The following COQ8A variants were observed in gnomAD, a reference collection of about 807,000 sequenced individuals.
COQ8A encodes atypical kinase COQ8A, mitochondrial.
COQ8A carries 51 observed loss-of-function variants against 65.0 expected under a neutral mutation model. The observed-to-expected ratio is 0.78, with a 90% confidence interval of 0.63 to 0.99. The LOEUF (loss-of-function observed/expected upper bound fraction) is 0.99, where lower values mean the gene tolerates loss of function less well. Among genes scored for constraint, COQ8A ranks in the 50% least tolerant of loss-of-function variants. The probability of loss-of-function intolerance (pLI) is 0.00; values close to 1 mark genes in which losing one functional copy is unlikely to be tolerated. For synonymous variants in COQ8A, 371 were observed against 353.2 expected (o/e 1.05, Z -0.57); for missense variants, 940 against 875.0 (o/e 1.07, Z -0.94).
chr1:226,985,370 C>T (rs780798558), intron 14 of COQ8A, 30 bp downstream of exon 14: 11 of 1,605,046 alleles, frequency 6.9e-6, no homozygotes, highest in Non-Finnish European at 7.7e-6. Flanking sequence ...ATCCCCTGGG[C>T]CTGCTGACCC....
rs1211212681 is a variant in COQ8A, at chr1:226,972,866, T to C, written c.656-4583T>C. ...AAAGGACATTTTAACAGTGCAAAAGTATAAAGTACGTGCTTTAAGACAGAG... is the reference window on the plus strand; with the variant it reads ...AAAGGACATTTTAACAGTGCAAAAGCATAAAGTACGTGCTTTAAGACAGAG... On this transcript the variant is annotated intron_variant, in intron 4 of 14. Transcript: ENST00000366777. The surrounding 1 kb of genome is among the most constrained non-coding windows in gnomAD (Gnocchi z 4.3). 6.6e-6 allele frequency among the ~76,000 whole-genome samples: 1 copy of C among 152,210 alleles called. No individual in the cohort carries two copies. The highest frequency in any genetic ancestry group is 1.5e-5 in the Non-Finnish European group (1 of 68,034).
intron 5 of COQ8A, among the ~76,000 whole-genome samples, chr1:226,978,327 C>G (rs1188751723): frequency 1.2e-4 from 18 of 145,324 alleles, no homozygotes; most frequent in African/African-American, 4.6e-4. Flanking sequence ...ACCTGCACAC[C>G]TCTTTATCCT....
chr1:226,960,035 AGTGGTACTTGGTGGTG>A (rs1290762572), intron 1 of COQ8A, among the ~76,000 whole-genome samples: 1 of 122,218 alleles, frequency 8.2e-6, no homozygotes, highest in Non-Finnish European at 1.8e-5. Context: ...TGGTGGTGGT[AGTGGTACTTGGTGGTG>A]GTGGTACTTG....
chr1:226,965,611 C>T lies in COQ8A; in HGVS notation c.589-60C>T. On this transcript the variant is annotated intron_variant, in intron 3 of 14. Transcript: ENST00000366777. ...GGAGATGTGGGGGCAACAGGAGCCT[C>T]TGAAGGTTGGTCCTGTCCCCTTGGC... The T allele has an allele frequency of 1.9e-6, 3 of 1,592,262 alleles. 1 individual carries two copies. In the South Asian group the frequency reaches 3.3e-5, roughly 18 times the overall value.
intron 5 of COQ8A, among the ~76,000 whole-genome samples, chr1:226,979,674 C>A (rs1329050919): frequency 6.6e-6 from 1 of 152,182 alleles, no homozygotes; most frequent in Non-Finnish European, 1.5e-5. Flanking sequence ...CCTGCCAGTC[C>A]CCGGACAGCC....
chr1:226,945,674 T>C (rs1286918826), intron 1 of COQ8A, among the ~76,000 whole-genome samples: 1 of 152,222 alleles, frequency 6.6e-6, no homozygotes, highest in Admixed American at 6.5e-5. Context: ...CTGTTGTAGC[T>C]GCTGTTTACA....
chr1:226,983,244 G>T (rs1659829184), intron 8 of COQ8A: 12 of 835,140 alleles, frequency 1.4e-5, no homozygotes, highest in Non-Finnish European at 2.2e-5. Flanking sequence ...GGCACAGAGG[G>T]GCCCCCAGCA....
rs1659989799 is a variant in COQ8A, at chr1:226,984,945, A to G, written c.1572+4A>G. On this transcript the variant is annotated splice_donor_region_variant and intron_variant, in intron 13 of 14. Transcript: ENST00000366777. ...CTTCACCGACCTCTACATTCAGGTA[A>G]CTGGAGAGGGGCCCTGGCCTTGGTC... 6.2e-7 allele frequency: 1 copy of G among 1,614,016 alleles called. No homozygotes were observed. The highest frequency in any genetic ancestry group is 8.5e-7 in the Non-Finnish European group (1 of 1,180,020).
At chr1:226,985,127 T>C in intron 13 of COQ8A, 127 bp from the exon 14 acceptor site, 1 of 1,216,074 alleles carries the variant, frequency 8.2e-7, no homozygotes, top group Non-Finnish European at 1.2e-6. Flanking sequence ...GTCACAGCAC[T>C]GGCCGGGGGC....
rs774626751 is a variant in COQ8A, at chr1:226,983,546, C to T, written c.1081-6C>T. 14 of 1,613,558 alleles carry T rather than the reference C, an allele frequency of 8.7e-6. No homozygotes were observed. In the Admixed American group the frequency reaches 1.0e-4, roughly 12 times the overall value. ...TAACTCCCCTGCCTCACCCATACCC[C>T]CACAGTACCCTGGCGTGGCCCAGAG... On this transcript the variant is annotated splice_region_variant and splice_polypyrimidine_tract_variant and intron_variant, in intron 8 of 14. Coordinates refer to ENST00000366777, the MANE Select transcript of COQ8A (RefSeq NM_020247.5).
chr1:226,951,439 C>T (rs1272742628), intron 1 of COQ8A, among the ~76,000 whole-genome samples: 1 of 152,168 alleles, frequency 6.6e-6, no homozygotes, highest in African/African-American at 2.4e-5. Flanking sequence ...CCTTCATGAG[C>T]AGTACTTAGG....
intron 1 of COQ8A, among the ~76,000 whole-genome samples, chr1:226,944,288 A>G (rs1443285712): frequency 6.6e-6 from 1 of 151,744 alleles, no homozygotes; most frequent in African/African-American, 2.4e-5. Flanking sequence ...TGGCAAGTGC[A>G]CTCCATCCTT....
intron 5 of COQ8A, 115 bp from the exon 6 acceptor site, chr1:226,981,912 A>G (rs1008324456): frequency 2.0e-6 from 3 of 1,507,268 alleles, no homozygotes; most frequent in Non-Finnish European, 2.8e-6. Flanking sequence ...TGCTGGTTTT[A>G]TGGACGCCTG....
intron 4 of COQ8A, among the ~76,000 whole-genome samples, chr1:226,971,856 G>A (rs1658927403): frequency 6.6e-6 from 1 of 152,010 alleles, no homozygotes; most frequent in Admixed American, 6.6e-5. Context: ...ATTCTGCTTG[G>A]GGTTTACAGA....
chr1:226,984,487 G>A, intron 11 of COQ8A, 61 bp from the exon 12 acceptor site: 1 of 1,469,854 alleles, frequency 6.8e-7, no homozygotes, highest in Non-Finnish European at 9.5e-7. Context: ...TCTGGCCCCA[G>A]TCTCCCAGGG....
chr1:226,959,284 C>T (rs1403047064), intron 1 of COQ8A, among the ~76,000 whole-genome samples: 2 of 152,058 alleles, frequency 1.3e-5, no homozygotes, highest in African/African-American at 4.8e-5. Flanking sequence ...TGGTGCAGGC[C>T]TGTAATTCCA....
Position 226,983,824 on chromosome 1 carries a change from A to G in COQ8A, c.1226A>G (p.Gln409Arg). 1 of 1,611,834 alleles carries G rather than the reference A, an allele frequency of 6.2e-7. No homozygotes were observed. Among genetic ancestry groups the G allele is most frequent in the Non-Finnish European group, 8.5e-7 (1 of 1,179,966 alleles). ...GAGCTGGCCCTGGAGTGTGACTACC[A>G]GCGAGAGGCCGCCTGTGCCCGCAAG... Reference protein sequence around the residue: ...RRELALECDYQREAACARKFR... With the variant: ...RRELALECDYRREAACARKFR... Residue 409 changes from glutamine (Q) to arginine (R), a missense_variant, in exon 10 of 15, where the codon CAG (glutamine) becomes CGG (arginine). Transcript: ENST00000366777.
In COQ8A at chr1:226,982,683, G is replaced by C. The variant is rs770521319; in HGVS notation, c.859G>C (p.Ala287Pro). ...GTCATTCTCCTGCCTTCCAGATGAT[G>C]CCTTTATCAACCCCCACCTGGCTAA... ...LGQMLSIQDD[A>P]FINPHLAKIF... is the part of the protein sequence containing the mutation. Residue 287 changes from alanine (A) to proline (P), a missense_variant, in exon 7 of 15, where the codon GCC becomes CCC. By Grantham distance (27) the Ala-to-Pro change is conservative. Coordinates refer to ENST00000366777, the MANE Select transcript of COQ8A (RefSeq NM_020247.5). The C allele has an allele frequency of 2.5e-6, 4 of 1,613,234 alleles. No homozygotes were observed. In the African/African-American group the frequency reaches 5.3e-5, roughly 22 times the overall value.
At chr1:226,961,712 G>C in intron 2 of COQ8A, 150 bp downstream of exon 2, 1 of 953,996 alleles carries the variant, frequency 1.0e-6, no homozygotes, top group Non-Finnish European at 1.5e-6. Flanking sequence ...GGTCCTTCCA[G>C]GGTGGGACAG....
Sources: gnomAD v4.1 joint callset for allele counts (sites outside exome capture counted in the v4.1 genomes callset) on GRCh38, gnomAD v4.1.1 for gene constraint, Gnocchi (gnomAD v3.1) non-coding constraint, MANE v1.5 for transcripts, NCBI Gene and HGNC (gene_info 2026-07-23, HGNC 2026-07-21) for gene names.